The following ARHGAP10 variants were observed in gnomAD, a reference collection of about 807,000 sequenced individuals.
ARHGAP10 encodes rho GTPase-activating protein 10.
ARHGAP10 carries 87 observed loss-of-function variants against 108.6 expected under a neutral mutation model. That is an observed-to-expected ratio of 0.80 (90% CI 0.67 to 0.96). The LOEUF is 0.96. Among genes scored for constraint, ARHGAP10 ranks in the 40% least tolerant of loss-of-function variants. ARHGAP10 has a pLI of 0.00. For missense variants in ARHGAP10, 939 were observed against 954.5 expected (o/e 0.98, Z 0.21); for synonymous variants, 347 against 341.1 (o/e 1.02, Z -0.19).
intron 5 of ARHGAP10, chr4:147,861,886 A>G (rs1734335915): frequency 6.6e-6 from 1 of 152,082 alleles, no homozygotes; most frequent in African/African-American, 2.4e-5. Flanking sequence ...GGCCTGGAAA[A>G]AGCACCGTAA....
Position 147,822,864 on chromosome 4 carries a change from G to A in ARHGAP10, c.251-32G>A, listed in dbSNP as rs763617580. ...TTTTGGTTTGTTTTCCTTTGCCATG[G>A]CCACCAAATAATCACTCCTTTCTTC... is the stretch of plus-strand genomic sequence containing the variant. On this transcript the variant is annotated intron_variant, in intron 2 of 22. Coordinates refer to ENST00000336498, the MANE Select transcript of ARHGAP10 (RefSeq NM_024605.4). The A allele has an allele frequency of 3.7e-6, 6 of 1,613,690 alleles. No homozygotes were observed. In the Admixed American group the frequency reaches 1.0e-4, roughly 27 times the overall value.
At chr4:148,056,809 G>C (rs2149686207) in intron 20 of ARHGAP10, among the ~76,000 whole-genome samples, 1 of 152,188 alleles carries the variant, frequency 6.6e-6, no homozygotes, top group African/African-American at 2.4e-5. Context: ...TAGCTGATTT[G>C]CTGTCTTTTG....
intron 1 of ARHGAP10, among the ~76,000 whole-genome samples, chr4:147,809,778 A>G (rs1731937177): frequency 6.6e-6 from 1 of 152,114 alleles, no homozygotes; most frequent in South Asian, 2.1e-4. Context: ...AGATTCTCAT[A>G]AGGAGTGTGC....
chr4:147,864,499 TGA>T (rs1734461589), intron 5 of ARHGAP10: 1 of 189,202 alleles, frequency 5.3e-6, no homozygotes, highest in Non-Finnish European at 1.1e-5. Context: ...GTGGTTGGGG[TGA>T]GTTTTTCAAG....
chr4:147,960,399 C>T (rs574065637), intron 16 of ARHGAP10, among the ~76,000 whole-genome samples: 17 of 152,052 alleles, frequency 1.1e-4, no homozygotes, highest in Non-Finnish European at 2.4e-4. Flanking sequence ...TAAACTGGAA[C>T]AAACTTGTCT....
chr4:147,750,655 G>A lies in ARHGAP10; in HGVS notation c.154+18200G>A, dbSNP rs553118977. On this transcript the variant is annotated intron_variant, in intron 1 of 22. Transcript: ENST00000336498. ...CTCACTCTGTAACCCAGGCTGGAGT[G>A]CAGTGGCGTGATCTCAGCTCACTGC... is the stretch of plus-strand genomic sequence containing the variant. Among the ~76,000 whole-genome samples, 737 of 151,072 alleles carry A rather than the reference G, an allele frequency of 4.9e-3. 4 individuals carry two copies. Among genetic ancestry groups the A allele is most frequent in the South Asian group, 0.01 (48 of 4,774 alleles).
At chr4:147,912,370 T>C (rs1226432517) in intron 12 of ARHGAP10, among the ~76,000 whole-genome samples, 2 of 150,962 alleles carry the variant, frequency 1.3e-5, no homozygotes, top group African/African-American at 4.9e-5. Flanking sequence ...TGAAACCCCA[T>C]CTCTACTAAA....
At chr4:147,991,488 T>C (rs1740276459) in intron 18 of ARHGAP10, among the ~76,000 whole-genome samples, 1 of 152,166 alleles carries the variant, frequency 6.6e-6, no homozygotes, top group Non-Finnish European at 1.5e-5. Flanking sequence ...GATGTTTCAG[T>C]CCAAGAAAGC....
At chr4:147,813,601 A>G (rs971918635) in intron 1 of ARHGAP10, among the ~76,000 whole-genome samples, 3 of 152,272 alleles carry the variant, frequency 2.0e-5, no homozygotes, top group African/African-American at 7.2e-5. Flanking sequence ...AAGAATTAAT[A>G]GAAGTAGAAG....
At chr4:147,760,239 A>C (rs1383421446) in intron 1 of ARHGAP10, among the ~76,000 whole-genome samples, 1 of 152,222 alleles carries the variant, frequency 6.6e-6, no homozygotes, top group Non-Finnish European at 1.5e-5. Flanking sequence ...ATTTACAAAA[A>C]GCTTAGGTTT....
chr4:148,022,585 G>A (rs1485868040), intron 18 of ARHGAP10, among the ~76,000 whole-genome samples: 1 of 152,166 alleles, frequency 6.6e-6, no homozygotes, highest in African/African-American at 2.4e-5. Flanking sequence ...GAAGAAATTT[G>A]CTAAGCAAAG....
At chr4:147,813,498 G>T (rs7683761) in intron 1 of ARHGAP10, among the ~76,000 whole-genome samples, 1 of 152,238 alleles carries the variant, frequency 6.6e-6, no homozygotes, top group Non-Finnish European at 1.5e-5. Flanking sequence ...GGAAAAAGCC[G>T]TGGGAGCCGA....
chr4:147,996,039 A>G (rs1285552860), intron 18 of ARHGAP10, among the ~76,000 whole-genome samples: 1 of 152,104 alleles, frequency 6.6e-6, no homozygotes, highest in Non-Finnish European at 1.5e-5. Context: ...TATACTCCCA[A>G]CTTGACCTTC....
At chr4:148,006,116 C>G (rs933248359) in intron 18 of ARHGAP10, among the ~76,000 whole-genome samples, 29 of 152,332 alleles carry the variant, frequency 1.9e-4, no homozygotes, top group African/African-American at 7.0e-4. Context: ...GCTGCCACTT[C>G]TTTCCTCCTG....
chr4:147,800,490 T>C (rs763483149), intron 1 of ARHGAP10, among the ~76,000 whole-genome samples: 2 of 152,130 alleles, frequency 1.3e-5, no homozygotes, highest in Non-Finnish European at 2.9e-5. Flanking sequence ...TTGGATGGTG[T>C]AGGACTTATC....
intron 16 of ARHGAP10, among the ~76,000 whole-genome samples, chr4:147,963,578 C>T (rs768073883): frequency 3.9e-5 from 6 of 152,140 alleles, no homozygotes; most frequent in South Asian, 2.1e-4. Context: ...ATAAGAGCCA[C>T]GTATAATAAT....
intron 1 of ARHGAP10, among the ~76,000 whole-genome samples, chr4:147,787,314 G>A (rs1169954572): frequency 6.6e-6 from 1 of 152,174 alleles, no homozygotes; most frequent in African/African-American, 2.4e-5. Context: ...AATGAATAAA[G>A]GCAGGGTTGA....
Position 147,901,990 on chromosome 4 carries a change from A to G in ARHGAP10, c.1035-4648A>G, listed in dbSNP as rs561093190. Among the ~76,000 whole-genome samples, 25 of 152,296 alleles carry G rather than the reference A, an allele frequency of 1.6e-4. No individual in the cohort carries two copies. The East Asian group carries it at 4.8e-3, about 29-fold the overall frequency. ...GACTTTGAGAGTGTAAGTATATGTAAGTATATTAGGTCCTTACTTGCTGCA... is the reference window on the plus strand; with the variant it reads ...GACTTTGAGAGTGTAAGTATATGTAGGTATATTAGGTCCTTACTTGCTGCA... On this transcript the variant is annotated intron_variant, in intron 10 of 22. Coordinates refer to ENST00000336498, the MANE Select transcript of ARHGAP10 (RefSeq NM_024605.4).
chr4:147,969,711 A>G (rs1045539697), intron 18 of ARHGAP10, among the ~76,000 whole-genome samples: 1 of 152,162 alleles, frequency 6.6e-6, no homozygotes, highest in African/African-American at 2.4e-5. Context: ...TCACCTTGTT[A>G]ATAAATCTTA....
Sources: gnomAD v4.1 joint callset for allele counts (sites outside exome capture counted in the v4.1 genomes callset) on GRCh38, gnomAD v4.1.1 for gene constraint, MANE v1.5 for transcripts, NCBI Gene and HGNC (gene_info 2026-07-23, HGNC 2026-07-21) for gene names.